RIMS2: variants seen among roughly 807,000 people sequenced by gnomAD.
RIMS2 encodes the protein regulating synaptic membrane exocytosis 2.
In RIMS2, 59 loss-of-function variants were observed where a neutral mutation model predicts 174.4. The ratio of observed to expected loss-of-function variants is 0.34; its 90% confidence interval spans 0.27 to 0.42. RIMS2 has a LOEUF of 0.42. Among genes scored for constraint, RIMS2 ranks in the 10% least tolerant of loss-of-function variants. RIMS2 has a pLI of 1.00. For synonymous variants in RIMS2, 606 were observed against 572.5 expected (o/e 1.06, Z -0.84); for missense variants, 1,620 against 1,666.3 (o/e 0.97, Z 0.48).
intron 13 of RIMS2, among the ~76,000 whole-genome samples, chr8:103,942,447 G>T (rs548280405): frequency 6.6e-6 from 1 of 151,990 alleles, no homozygotes; most frequent in South Asian, 2.1e-4. Context: ...ATTCTAAAAT[G>T]ATATACAAAT....
At chr8:103,601,556 T>C (rs573629338) in intron 1 of RIMS2, among the ~76,000 whole-genome samples, 55 of 152,228 alleles carry the variant, frequency 3.6e-4, no homozygotes, top group African/African-American at 1.2e-3. Context: ...TCTATATGCA[T>C]ATATATAGGT....
chr8:103,680,278 G>C (rs990238562), intron 1 of RIMS2, among the ~76,000 whole-genome samples: 1 of 152,002 alleles, frequency 6.6e-6, no homozygotes, highest in Non-Finnish European at 1.5e-5. Flanking sequence ...ATCAGTGGAA[G>C]AAAGGACGAA....
At chr8:103,692,504 G>C (rs1041261098) in intron 1 of RIMS2, among the ~76,000 whole-genome samples, 1 of 152,192 alleles carries the variant, frequency 6.6e-6, no homozygotes, top group African/African-American at 2.4e-5. Context: ...GGAATTTGTT[G>C]AAGCCAGCAC....
intron 10 of RIMS2, among the ~76,000 whole-genome samples, chr8:103,925,898 A>G (rs1187918166): frequency 6.6e-6 from 1 of 151,578 alleles, no homozygotes; most frequent in East Asian, 1.9e-4. Flanking sequence ...AGTCAGTTGT[A>G]TGTTTTGTGA....
chr8:104,196,418 CT>C (rs1283665839), intron 19 of RIMS2, among the ~76,000 whole-genome samples: 2 of 151,956 alleles, frequency 1.3e-5, no homozygotes, highest in Non-Finnish European at 2.9e-5. Context: ...TCTTATTTTC[CT>C]TTTAAGCTTT....
intron 1 of RIMS2, among the ~76,000 whole-genome samples, chr8:103,536,027 G>C (rs1052994527): frequency 3.9e-5 from 6 of 152,174 alleles, no homozygotes; most frequent in Non-Finnish European, 8.8e-5. Flanking sequence ...CACAAGTAGA[G>C]ACTATAGCAA....
intron 2 of RIMS2, among the ~76,000 whole-genome samples, chr8:103,732,394 A>G (rs2097612073): frequency 6.6e-6 from 1 of 152,226 alleles, no homozygotes; most frequent in African/African-American, 2.4e-5. Flanking sequence ...CGTCAGATCC[A>G]AAGGCAGCAG....
chr8:103,872,660 G>C (rs992266384), intron 3 of RIMS2, among the ~76,000 whole-genome samples: 1 of 152,196 alleles, frequency 6.6e-6, no homozygotes, highest in African/African-American at 2.4e-5. Flanking sequence ...TTGTGTTATA[G>C]GTAGTAGCAC....
At position 103,546,060 on chromosome 8, in the gene RIMS2, A is replaced by G. The variant is rs111430142; in HGVS notation, c.176+44998A>G. Among the ~76,000 whole-genome samples the G allele has an allele frequency of 4.2e-4, 64 of 152,286 alleles. 1 individual carries two copies. Among genetic ancestry groups the G allele is most frequent in the African/African-American group, 1.5e-3 (64 of 41,574 alleles). On this transcript the variant is annotated intron_variant, in intron 1 of 23. Transcript: ENST00000504942. The stretch of plus-strand genomic sequence containing the variant: ...CTAACCTGGAATGTAAACAAGCAAA[A>G]TGCCTCAGTTAAAAGGCACAGGGGG...
intron 9 of RIMS2, among the ~76,000 whole-genome samples, chr8:103,920,528 A>G (rs995413751): frequency 6.6e-6 from 1 of 152,112 alleles, no homozygotes; most frequent in African/African-American, 2.4e-5. Context: ...CTCATTTCCA[A>G]TTAGGCATAC....
At chr8:104,108,641 T>C (rs1319230529) in intron 19 of RIMS2, among the ~76,000 whole-genome samples, 1 of 152,086 alleles carries the variant, frequency 6.6e-6, no homozygotes, top group African/African-American at 2.4e-5. Flanking sequence ...TCTTGTTAGA[T>C]TTCATGCAGG....
chr8:103,505,328 T>C (rs1037790469), intron 1 of RIMS2, among the ~76,000 whole-genome samples: 1 of 152,172 alleles, frequency 6.6e-6, no homozygotes, highest in African/African-American at 2.4e-5. Flanking sequence ...TATGTATGGA[T>C]GGATGTAAAC....
At chr8:104,223,368 C>G (rs1214418421) in intron 19 of RIMS2, 1 of 1,194,838 alleles carries the variant, frequency 8.4e-7, no homozygotes, top group East Asian at 3.9e-5. Context: ...ATTCTCAGCT[C>G]CCTCCCGGGC....
intron 19 of RIMS2, among the ~76,000 whole-genome samples, chr8:104,186,304 C>G (rs1357565361): frequency 6.6e-6 from 1 of 151,528 alleles, no homozygotes; most frequent in African/African-American, 2.4e-5. Context: ...GATGAATACC[C>G]TAAAAGCCAT....
intron 2 of RIMS2, among the ~76,000 whole-genome samples, chr8:103,713,964 C>A (rs1280846800): frequency 6.6e-6 from 1 of 152,168 alleles, no homozygotes; most frequent in African/African-American, 2.4e-5. Context: ...ACAATTCTTA[C>A]CCACTTGATG....
chr8:103,500,725 C>G (rs944089782), upstream of RIMS2: 7 of 537,560 alleles, frequency 1.3e-5, no homozygotes, highest in Non-Finnish European at 2.3e-5. Flanking sequence ...CTCCCCTCCC[C>G]CTGCTTTTCT....
At chr8:103,827,090 A>G (rs772644496) in intron 3 of RIMS2, among the ~76,000 whole-genome samples, 2 of 152,176 alleles carry the variant, frequency 1.3e-5, no homozygotes, top group African/African-American at 4.8e-5. Flanking sequence ...ACATCTTAAC[A>G]TTGAGTCTTC....
chr8:104,040,931 G>A (rs1374258183), intron 19 of RIMS2, among the ~76,000 whole-genome samples: 1 of 151,610 alleles, frequency 6.6e-6, no homozygotes, highest in African/African-American at 2.4e-5. Flanking sequence ...TTAAAAGTTT[G>A]AAAGCATTGT....
At chr8:103,575,470 A>G (rs2093148239) in intron 1 of RIMS2, among the ~76,000 whole-genome samples, 1 of 152,106 alleles carries the variant, frequency 6.6e-6, no homozygotes, top group Non-Finnish European at 1.5e-5. Context: ...ACTCACCAAA[A>G]GAAAAGTAAA....
Sources: gnomAD v4.1 joint callset for allele counts (sites outside exome capture counted in the v4.1 genomes callset) on GRCh38, gnomAD v4.1.1 for gene constraint, MANE v1.5 for transcripts, NCBI Gene and HGNC (gene_info 2026-07-23, HGNC 2026-07-21) for gene names.